SPOCK3: variants seen among roughly 807,000 people sequenced by gnomAD.
SPOCK3 encodes the protein testican-3.
A neutral mutation model predicts 56.6 loss-of-function variants in SPOCK3; 30 were observed. The observed-to-expected ratio is 0.53, with a 90% CI of 0.40 to 0.72. The LOEUF (loss-of-function observed/expected upper bound fraction) is 0.72, where lower values mean the gene tolerates loss of function less well. Among genes scored for constraint, SPOCK3 ranks in the 30% least tolerant of loss-of-function variants. The pLI, the probability that SPOCK3 is intolerant of heterozygous loss-of-function variation, is 0.00. For missense variants in SPOCK3, 527 were observed against 530.0 expected (o/e 0.99, Z 0.06); for synonymous variants, 196 against 183.3 (o/e 1.07, Z -0.56).
At chr4:166,929,582 G>GT (rs1739499297) in intron 4 of SPOCK3, among the ~76,000 whole-genome samples, 1 of 152,216 alleles carries the variant, frequency 6.6e-6, no homozygotes, top group Non-Finnish European at 1.5e-5. Flanking sequence ...CCTGGTAATT[G>GT]TTTTCATCAG....
intron 9 of SPOCK3, among the ~76,000 whole-genome samples, chr4:166,738,465 TTTC>T (rs1734456334): frequency 6.6e-6 from 1 of 151,658 alleles, no homozygotes; most frequent in African/African-American, 2.4e-5. Flanking sequence ...ATGGTTTTTT[TTTC>T]TTTTTTTATT....
intron 6 of SPOCK3, among the ~76,000 whole-genome samples, chr4:166,862,797 C>A (rs1731377657): frequency 6.6e-6 from 1 of 151,984 alleles, no homozygotes; most frequent in African/African-American, 2.4e-5. Context: ...TATCACATAA[C>A]TTTTATGTTT....
chr4:166,889,020 G>A, intron 6 of SPOCK3, 110 bp downstream of exon 6: 1 of 691,046 alleles, frequency 1.4e-6, no homozygotes, highest in Non-Finnish European at 2.6e-6. Context: ...ATGATATTGG[G>A]TATTTGTATA....
intron 2 of SPOCK3, among the ~76,000 whole-genome samples, chr4:167,162,815 T>C (rs1254337264): frequency 6.6e-6 from 1 of 152,014 alleles, no homozygotes; most frequent in Non-Finnish European, 1.5e-5. Flanking sequence ...CCACCAAATA[T>C]GAAGACGTGC....
chr4:167,014,160 T>A (rs1367032028), intron 3 of SPOCK3, among the ~76,000 whole-genome samples: 1 of 152,098 alleles, frequency 6.6e-6, no homozygotes, highest in Non-Finnish European at 1.5e-5. Context: ...CCACTTTGAG[T>A]AACAATCTGC....
intron 3 of SPOCK3, chr4:167,011,124 T>C (rs960029202): frequency 7.1e-6 from 2 of 280,152 alleles, no homozygotes; most frequent in African/African-American, 2.2e-5. Flanking sequence ...AATCTTAGAT[T>C]GGACTTATAA....
rs1730912149 is a variant in SPOCK3, at chr4:166,858,477, A to G, written c.589+30653T>C. On this transcript the variant is annotated intron_variant, in intron 6 of 10. Transcript: ENST00000357545. Reference sequence around the variant, plus strand: ...GCCTTTACCTCATAGTATAGCATGTAAGTACAGAGTAAATAGGCTAAGACT... The same window carrying G: ...GCCTTTACCTCATAGTATAGCATGTGAGTACAGAGTAAATAGGCTAAGACT... 1.3e-5 allele frequency among the ~76,000 whole-genome samples: 2 copies of G among 152,188 alleles called. 1 individual carries two copies. The highest frequency in any genetic ancestry group is 4.1e-4 in the South Asian group (2 of 4,828).
intron 4 of SPOCK3, among the ~76,000 whole-genome samples, chr4:166,954,408 AT>A (rs1334580011): frequency 6.6e-6 from 1 of 151,694 alleles, no homozygotes; most frequent in Non-Finnish European, 1.5e-5. Flanking sequence ...TTCCCCTATG[AT>A]TTTTTTTCTA....
At chr4:167,124,186 C>T (rs1220894882) in intron 2 of SPOCK3, among the ~76,000 whole-genome samples, 1 of 152,178 alleles carries the variant, frequency 6.6e-6, no homozygotes, top group African/African-American at 2.4e-5. Context: ...AGGCTACAGA[C>T]TAGTCCTTGA....
chr4:167,073,790 A>G (rs1308621711), intron 2 of SPOCK3, among the ~76,000 whole-genome samples: 1 of 151,938 alleles, frequency 6.6e-6, no homozygotes, highest in East Asian at 1.9e-4. Context: ...ACCTGTAGTA[A>G]CAGTGTTACA....
intron 4 of SPOCK3, among the ~76,000 whole-genome samples, chr4:166,931,663 C>T (rs1739800394): frequency 6.6e-6 from 1 of 152,150 alleles, no homozygotes; most frequent in African/African-American, 2.4e-5. Flanking sequence ...ACCTCCATTT[C>T]ATTGTTTAGA....
At chr4:166,798,591 C>A (rs1742217376) in intron 6 of SPOCK3, among the ~76,000 whole-genome samples, 1 of 152,082 alleles carries the variant, frequency 6.6e-6, no homozygotes, top group African/African-American at 2.4e-5. Context: ...TCAAGAATGG[C>A]CTATATCAGA....
intron 3 of SPOCK3, among the ~76,000 whole-genome samples, chr4:167,054,116 T>C (rs1754522300): frequency 6.6e-6 from 1 of 152,162 alleles, no homozygotes. Context: ...ATTTATGATA[T>C]TTATCGTGTG....
intron 9 of SPOCK3, among the ~76,000 whole-genome samples, chr4:166,741,286 T>C (rs1408335160): frequency 5.3e-5 from 8 of 152,214 alleles, no homozygotes; most frequent in Admixed American, 5.2e-4. Flanking sequence ...TACAAATGTT[T>C]CATCGTTATT....
intron 2 of SPOCK3, among the ~76,000 whole-genome samples, chr4:167,203,981 C>A (rs1048437236): frequency 4.6e-5 from 7 of 152,084 alleles, no homozygotes. Flanking sequence ...AATACCCATT[C>A]TTTCCTTGTG....
At chr4:167,175,265 T>C (rs1367698832) in intron 2 of SPOCK3, among the ~76,000 whole-genome samples, 1 of 152,150 alleles carries the variant, frequency 6.6e-6, no homozygotes, top group Admixed American at 6.6e-5. Context: ...CTACTTCTTA[T>C]TAAACCAATA....
intron 6 of SPOCK3, among the ~76,000 whole-genome samples, chr4:166,879,033 T>C (rs1445254725): frequency 1.3e-5 from 2 of 152,162 alleles, no homozygotes; most frequent in African/African-American, 4.8e-5. Context: ...GGATTTATGT[T>C]TAACAAATTT....
chr4:166,879,677 G>A (rs1409950183), intron 6 of SPOCK3, among the ~76,000 whole-genome samples: 2 of 152,166 alleles, frequency 1.3e-5, no homozygotes, highest in Admixed American at 6.5e-5. Context: ...CAAATTATAT[G>A]TTGGGAATGG....
chr4:166,772,868 G>T (rs1739112544), intron 7 of SPOCK3, among the ~76,000 whole-genome samples: 1 of 152,066 alleles, frequency 6.6e-6, no homozygotes, highest in Non-Finnish European at 1.5e-5. Flanking sequence ...ATGGCTCATT[G>T]CAGCCTCAAC....
Sources: gnomAD v4.1 joint callset for allele counts (sites outside exome capture counted in the v4.1 genomes callset) on GRCh38, gnomAD v4.1.1 for gene constraint, MANE v1.5 for transcripts, NCBI Gene and HGNC (gene_info 2026-07-23, HGNC 2026-07-21) for gene names.